Variants in DOCK3 observed in about 807,000 individuals in gnomAD.
The protein encoded by DOCK3 is dedicator of cytokinesis protein 3.
Under a neutral mutation model 265.6 loss-of-function variants are expected in DOCK3, and 60 were observed. The observed-to-expected ratio is 0.23, with a 90% CI of 0.18 to 0.28. The LOEUF (loss-of-function observed/expected upper bound fraction) is 0.28, where lower values mean the gene tolerates loss of function less well. Among genes scored for constraint, DOCK3 ranks in the 10% least tolerant of loss-of-function variants. DOCK3 has a pLI of 1.00. For missense variants in DOCK3, 1,981 were observed against 2,594.3 expected (o/e 0.76, Z 5.14); for synonymous variants, 881 against 938.0 (o/e 0.94, Z 1.11).
intron 15 of DOCK3, among the ~76,000 whole-genome samples, chr3:51,226,752 A>T (rs906124746): frequency 6.6e-6 from 1 of 152,184 alleles, no homozygotes; most frequent in African/African-American, 2.4e-5. Flanking sequence ...CTGAGACAGC[A>T]TCTTCATGGC....
At position 51,333,599 on chromosome 3, in the gene DOCK3, C is replaced by T. The variant is rs1019788053; in HGVS notation, c.3611+346C>T. Among the ~76,000 whole-genome samples, 7 of 152,134 alleles carry T rather than the reference C, an allele frequency of 4.6e-5. 1 individual carries two copies. The highest frequency in any genetic ancestry group is 1.3e-4 in the Admixed American group (2 of 15,264). ...GAGTAAAGCTGTCTCCAGAGCAGGGCAGGGAACAGCTGTAGGTCCTTAGTG... is the reference window on the plus strand; with the variant it reads ...GAGTAAAGCTGTCTCCAGAGCAGGGTAGGGAACAGCTGTAGGTCCTTAGTG... On this transcript the variant is annotated intron_variant, in intron 35 of 52. Transcript: ENST00000266037.
intron 12 of DOCK3, among the ~76,000 whole-genome samples, chr3:51,163,178 G>C (rs2086217341): frequency 6.6e-6 from 1 of 152,176 alleles, no homozygotes; most frequent in Admixed American, 6.5e-5. Context: ...GCCTTTGCTA[G>C]GATGGGATTT....
chr3:51,269,020 T>C (rs1244861333), intron 23 of DOCK3, among the ~76,000 whole-genome samples: 1 of 151,910 alleles, frequency 6.6e-6, no homozygotes, highest in African/African-American at 2.4e-5. Flanking sequence ...AGCTTAGATC[T>C]GGTCTCGGCT....
At chr3:51,368,064 T>C (rs1306929830) in intron 49 of DOCK3, among the ~76,000 whole-genome samples, 2 of 152,258 alleles carry the variant, frequency 1.3e-5, no homozygotes, top group Non-Finnish European at 2.9e-5. Flanking sequence ...GAAGTTCTCC[T>C]GGATAATATC....
At chr3:51,237,074 A>G (rs2078378503) in intron 20 of DOCK3, among the ~76,000 whole-genome samples, 1 of 152,084 alleles carries the variant, frequency 6.6e-6, no homozygotes, top group Non-Finnish European at 1.5e-5. Context: ...CACCAGCCCC[A>G]TTTCTGAAGG....
intron 3 of DOCK3, chr3:50,877,664 T>G (rs1049710279): frequency 2.7e-6 from 1 of 369,696 alleles, no homozygotes; most frequent in African/African-American, 2.2e-5. Flanking sequence ...TCTTTTCTTT[T>G]CTTTTCTTTT....
intron 3 of DOCK3, among the ~76,000 whole-genome samples, chr3:50,858,227 A>T (rs982536237): frequency 3.3e-5 from 5 of 152,048 alleles, no homozygotes; most frequent in African/African-American, 1.2e-4. Context: ...GAACTGAACA[A>T]TGAGAACACT....
rs200609219 is a variant in DOCK3 at position 50,836,914 on chromosome 3, A to G, written c.122-4761A>G. Among the ~76,000 whole-genome samples, 24 of 152,276 alleles carry G rather than the reference A, an allele frequency of 1.6e-4. No homozygotes were observed. In the East Asian group the frequency reaches 3.7e-3, roughly 23 times the overall value. On this transcript the variant is annotated intron_variant, in intron 2 of 52. Transcript: ENST00000266037. ...CACAGCTCTCTAGGGCAGGGGCAAA[A>G]TGCCACCAGTCTCTTTGCTAAACTA... is the stretch of plus-strand genomic sequence containing the variant.
At chr3:51,348,503 T>C (rs1312683761) in intron 38 of DOCK3, among the ~76,000 whole-genome samples, 1 of 152,250 alleles carries the variant, frequency 6.6e-6, no homozygotes, top group African/African-American at 2.4e-5. Context: ...CTGTTTCTCA[T>C]CTGATTGAGA....
intron 2 of DOCK3, among the ~76,000 whole-genome samples, chr3:50,827,807 T>C (rs1431771395): frequency 6.6e-6 from 1 of 152,182 alleles, no homozygotes; most frequent in Non-Finnish European, 1.5e-5. Flanking sequence ...TTTTGTTCCT[T>C]AGTTTCTCAA....
chr3:51,379,448 G>A (rs2088427176), intron 51 of DOCK3: 2 of 985,322 alleles, frequency 2.0e-6, no homozygotes, highest in African/African-American at 1.7e-5. Context: ...CCACCCTTCA[G>A]CTGTGCCAGC....
At chr3:51,281,274 A>AATATATAT (rs56084027) in intron 27 of DOCK3, among the ~76,000 whole-genome samples, 1,382 of 125,526 alleles carry the variant, frequency 0.011, 26 homozygotes, top group African/African-American at 0.032. Flanking sequence ...GATGAGCTAA[A>AATATATAT]ATATATATAT....
At chr3:50,792,122 ATTT>A (rs34021915) in intron 2 of DOCK3, among the ~76,000 whole-genome samples, 1 of 142,690 alleles carries the variant, frequency 7.0e-6, no homozygotes, top group African/African-American at 2.6e-5. Flanking sequence ...GTCATCTCTG[ATTT>A]TTTTTTTTTT....
intron 5 of DOCK3, among the ~76,000 whole-genome samples, chr3:50,968,611 A>G (rs2108445866): frequency 6.7e-6 from 1 of 149,100 alleles, no homozygotes. Context: ...GTGCAGTGGC[A>G]CTATCTTGGC....
chr3:50,870,209 G>A (rs1341244147), intron 3 of DOCK3, among the ~76,000 whole-genome samples: 4 of 152,146 alleles, frequency 2.6e-5, no homozygotes, highest in Admixed American at 1.3e-4. Flanking sequence ...TGAAAGTGGG[G>A]TGTTGATGTC....
chr3:50,894,020 A>G (rs2048774172), intron 4 of DOCK3, among the ~76,000 whole-genome samples: 4 of 150,610 alleles, frequency 2.7e-5, no homozygotes, highest in Admixed American at 2.6e-4. Context: ...TAGGAGATAT[A>G]CCTAATGTAA....
chr3:51,013,265 T>C (rs576477884), intron 5 of DOCK3, among the ~76,000 whole-genome samples: 1 of 152,328 alleles, frequency 6.6e-6, no homozygotes, highest in East Asian at 1.9e-4. Flanking sequence ...TCTGCTCTGG[T>C]TTCTCCCCAT....
intron 22 of DOCK3, among the ~76,000 whole-genome samples, chr3:51,258,104 A>G (rs1453196288): frequency 3.3e-5 from 5 of 152,200 alleles, no homozygotes; most frequent in Admixed American, 1.3e-4. Context: ...CTCATGCCCA[A>G]AAGGTGCAAG....
chr3:50,913,462 G>A (rs758976562), intron 4 of DOCK3, among the ~76,000 whole-genome samples: 6 of 152,054 alleles, frequency 3.9e-5, no homozygotes, highest in Non-Finnish European at 7.3e-5. Flanking sequence ...TTTGGCTCTT[G>A]TCCCATTAGG....
Sources: gnomAD v4.1 joint callset for allele counts (sites outside exome capture counted in the v4.1 genomes callset) on GRCh38, gnomAD v4.1.1 for gene constraint, MANE v1.5 for transcripts, NCBI Gene and HGNC (gene_info 2026-07-23, HGNC 2026-07-21) for gene names.